DDX55: variants seen among roughly 807,000 people sequenced by gnomAD.
DDX55 encodes the protein ATP-dependent RNA helicase DDX55.
A neutral mutation model predicts 69.2 loss-of-function variants in DDX55; 56 were observed. The observed-to-expected ratio is 0.81, with a 90% confidence interval of 0.65 to 1.01. DDX55 has a LOEUF of 1.01. Ranked by LOEUF, DDX55 falls within the 50% of genes least tolerant of loss-of-function variation. The pLI is 0.00. For missense variants in DDX55, 720 were observed against 745.1 expected (o/e 0.97, Z 0.39); for synonymous variants, 268 against 273.1 (o/e 0.98, Z 0.18).
chr12:123,609,335 TTCTA>T (rs1174625443), intron 6 of DDX55, among the ~76,000 whole-genome samples: 2 of 152,084 alleles, frequency 1.3e-5, no homozygotes, highest in Non-Finnish European at 2.9e-5. Context: ...TTTATTCCAG[TTCTA>T]TCTTTGATCT....
intron 1 of DDX55, chr12:123,605,435 C>T: frequency 4.3e-6 from 1 of 232,692 alleles, no homozygotes; most frequent in Non-Finnish European, 8.6e-6. Flanking sequence ...AATATTACAC[C>T]TGCTGTGATT....
intron 12 of DDX55, among the ~76,000 whole-genome samples, chr12:123,619,217 A>G (rs1429807203): frequency 6.6e-6 from 1 of 152,076 alleles, no homozygotes; most frequent in African/African-American, 2.4e-5. Context: ...GTTAGCCAGG[A>G]TGGTCTCGAT....
intron 1 of DDX55, among the ~76,000 whole-genome samples, chr12:123,604,286 T>C (rs1242891907): frequency 1.3e-5 from 2 of 152,140 alleles, no homozygotes; most frequent in Non-Finnish European, 2.9e-5. Flanking sequence ...CTCACGCCTG[T>C]AATCCTAGCA....
intron 3 of DDX55, among the ~76,000 whole-genome samples, chr12:123,606,856 G>A (rs1253105441): frequency 1.3e-5 from 2 of 152,162 alleles, no homozygotes; most frequent in Non-Finnish European, 2.9e-5. Context: ...GATTACAGGT[G>A]TGAGCTACCG....
chr12:123,612,834 AAG>A (rs1954359701), intron 7 of DDX55, among the ~76,000 whole-genome samples: 1 of 141,340 alleles, frequency 7.1e-6, no homozygotes, highest in Non-Finnish European at 1.5e-5. Context: ...AAAAAAAAAA[AAG>A]AAGAAAAAAA....
intron 10 of DDX55, among the ~76,000 whole-genome samples, chr12:123,617,066 C>A (rs1489561096): frequency 6.6e-6 from 1 of 152,194 alleles, no homozygotes; most frequent in Non-Finnish European, 1.5e-5. Context: ...AGGAGAATCG[C>A]TTGAGCGCAG....
chr12:123,620,169 A>C lies in DDX55; in HGVS notation c.*29A>C. ...CAGTGCCACAGATGAACCCACAAGGACATAGCTGTTCCCTAACTTGGTGGA... is the reference window on the plus strand; with the variant it reads ...CAGTGCCACAGATGAACCCACAAGGCCATAGCTGTTCCCTAACTTGGTGGA... On this transcript the variant is annotated 3_prime_UTR_variant, in exon 14 of 14. Transcript: ENST00000238146. The C allele has an allele frequency of 1.3e-6, 2 of 1,589,242 alleles. No homozygotes were observed. Among genetic ancestry groups the C allele is most frequent in the South Asian group, 2.3e-5 (2 of 88,352 alleles).
Position 123,609,947 on chromosome 12 carries a change from C to T in DDX55, c.560C>T (p.Thr187Ile). The change falls in exon 7 of 14, where the codon ACC (threonine) becomes ATC (isoleucine). Residue 187 changes from threonine to isoleucine, a missense_variant. Physicochemically the swap from Thr to Ile is moderately conservative, Grantham distance 89 (BLOSUM62 -1). Coordinates refer to ENST00000238146, the MANE Select transcript of DDX55 (RefSeq NM_020936.3). ...LDMGFEASIN[T>I]ILEFLPKQRR... ...AGCCCTCTTTTTATCAGCATCAACA[C>T]CATTCTGGAGTTTTTGCCAAAGCAG... 6.2e-7 allele frequency: 1 copy of T among 1,613,386 alleles called. No homozygotes were observed. Among genetic ancestry groups the T allele is most frequent in the Non-Finnish European group, 8.5e-7 (1 of 1,179,798 alleles).
At chr12:123,602,926 C>T (rs1953657082) in intron 1 of DDX55, among the ~76,000 whole-genome samples, 1 of 152,166 alleles carries the variant, frequency 6.6e-6, no homozygotes, top group South Asian at 2.1e-4. Flanking sequence ...TGAGCTGAGA[C>T]CTCAGTGATT....
chr12:123,606,445 T>C (rs1953896490), intron 3 of DDX55, among the ~76,000 whole-genome samples: 1 of 152,212 alleles, frequency 6.6e-6, no homozygotes, highest in Non-Finnish European at 1.5e-5. Context: ...TGAATTTGCC[T>C]GCTCGTTAAA....
At chr12:123,618,004 GC>G in intron 11 of DDX55, 132 bp downstream of exon 11, 1 of 763,160 alleles carries the variant, frequency 1.3e-6, no homozygotes, top group Non-Finnish European at 2.1e-6. Context: ...GCAGTGGGGG[GC>G]CCTGGTGGGG....
At position 123,618,753 on chromosome 12, in the gene DDX55, G is replaced by A. The variant is rs1954903136; in HGVS notation, c.1249G>A (p.Val417Met). ...GTCCATGGCCCTGGCTGACAGAGCT[G>A]TGTTTGAAAAGGGCATGAAAGCTTT... ...LKSMALADRA[V>M]FEKGMKAFVS... The change falls in exon 12 of 14, where the codon GTG (valine) becomes ATG (methionine). Residue 417 changes from valine to methionine, a missense_variant. Transcript: ENST00000238146. 6.2e-7 allele frequency: 1 copy of A among 1,614,154 alleles called. No homozygotes were observed. Among genetic ancestry groups the A allele is most frequent in the Non-Finnish European group, 8.5e-7 (1 of 1,180,018 alleles).
intron 1 of DDX55, among the ~76,000 whole-genome samples, chr12:123,602,812 T>G (rs191413943): frequency 1.1e-4 from 16 of 152,292 alleles, no homozygotes; most frequent in African/African-American, 3.8e-4. Context: ...TTTCAGCTGC[T>G]GGTAAGTGTT....
intron 7 of DDX55, among the ~76,000 whole-genome samples, chr12:123,610,897 T>C (rs570368924): frequency 8.3e-6 from 1 of 120,218 alleles, no homozygotes; most frequent in East Asian, 2.2e-4. Context: ...GCCGTTTTTT[T>C]TTGTTTGTTT....
chr12:123,608,482 A>G (rs1954020428), intron 5 of DDX55, 198 bp from the exon 6 acceptor site: 1 of 576,640 alleles, frequency 1.7e-6, no homozygotes, highest in Non-Finnish European at 2.9e-6. Flanking sequence ...TGCCTAGGTC[A>G]TAGCCCAGAA....
intron 7 of DDX55, among the ~76,000 whole-genome samples, chr12:123,612,517 T>C (rs1954323782): frequency 6.6e-6 from 1 of 152,190 alleles, no homozygotes; most frequent in South Asian, 2.1e-4. Context: ...TTTTAAATAA[T>C]GATGTACATT....
intron 9 of DDX55, among the ~76,000 whole-genome samples, chr12:123,615,843 A>G (rs1001401106): frequency 4.6e-5 from 7 of 152,172 alleles, no homozygotes; most frequent in Non-Finnish European, 1.0e-4. Flanking sequence ...TTAGTCGGGC[A>G]TGGTGGCTGG....
At position 123,610,135 on chromosome 12, in the gene DDX55, G is replaced by A. The variant is rs781294384; in HGVS notation, c.741+7G>A. 12 of 1,609,200 alleles carry A rather than the reference G, an allele frequency of 7.5e-6. No individual in the cohort carries two copies. Among genetic ancestry groups the A allele is most frequent in the Admixed American group, 3.4e-5 (2 of 58,360 alleles). ...CCTGGAAAACTACTACATGGTAAGCGCCTGGGCTTGCTTCTTACTCAGCGA... is the reference window on the plus strand; with the variant it reads ...CCTGGAAAACTACTACATGGTAAGCACCTGGGCTTGCTTCTTACTCAGCGA... On this transcript the variant is annotated splice_region_variant and intron_variant, in intron 7 of 13. Coordinates refer to ENST00000238146, the MANE Select transcript of DDX55 (RefSeq NM_020936.3).
In DDX55 at chr12:123,612,672, C is replaced by T. The variant is rs149939698; in HGVS notation, c.742-498C>T. Among the ~76,000 whole-genome samples, 33 of 146,568 alleles carry T rather than the reference C, an allele frequency of 2.3e-4. No homozygotes were observed. In the East Asian group the frequency reaches 6.0e-3, roughly 27 times the overall value. On this transcript the variant is annotated intron_variant, in intron 7 of 13. Transcript: ENST00000238146. ...GAATCTGTATGTCGTACCCAAGAAT[C>T]TGCATTTAAAAAAAAAAAATCTATC...
Sources: gnomAD v4.1 joint callset for allele counts (sites outside exome capture counted in the v4.1 genomes callset) on GRCh38, gnomAD v4.1.1 for gene constraint, MANE v1.5 for transcripts, NCBI Gene and HGNC (gene_info 2026-07-23, HGNC 2026-07-21) for gene names.